SNX6: variants seen among roughly 807,000 people sequenced by gnomAD.
The protein encoded by SNX6 is sorting nexin 6, also known as sorting nexin-6.
SNX6 carries 34 observed loss-of-function variants against 63.0 expected under a neutral mutation model. The observed-to-expected ratio is 0.54, with a 90% CI of 0.41 to 0.72. SNX6 has a LOEUF of 0.72. Among genes scored for constraint, SNX6 ranks in the 30% least tolerant of loss-of-function variants. The probability of loss-of-function intolerance (pLI) is 0.00; values close to 1 mark genes in which losing one functional copy is unlikely to be tolerated. For synonymous variants in SNX6, 170 were observed against 164.2 expected, an observed-to-expected ratio of 1.04 and a Z score of -0.27; for missense variants, 398 against 471.4, an observed-to-expected ratio of 0.84 and a Z score of 1.44.
chr14:34,597,906 G>A (rs1464827862), intron 6 of SNX6, among the ~76,000 whole-genome samples: 1 of 152,160 alleles, frequency 6.6e-6, no homozygotes, highest in Non-Finnish European at 1.5e-5. Context: ...CACATTTTAT[G>A]AGCATATCTG....
chr14:34,568,634 G>GTTTTTTTT, intron 11 of SNX6: 1 of 625,082 alleles, frequency 1.6e-6, no homozygotes, highest in Non-Finnish European at 2.8e-6. Flanking sequence ...CACTCAGCCT[G>GTTTTTTTT]TTTTTTTTTT....
At chr14:34,605,174 C>T (rs7146042) in intron 5 of SNX6, among the ~76,000 whole-genome samples, 59,942 of 151,614 alleles carry the variant, frequency 0.4, 13,139 homozygotes, top group East Asian at 0.74. Flanking sequence ...TGGCAATATG[C>T]CCACATTGAA....
intron 6 of SNX6, among the ~76,000 whole-genome samples, chr14:34,601,312 G>A (rs1380173445): frequency 1.4e-5 from 2 of 148,102 alleles, no homozygotes; most frequent in African/African-American, 5.1e-5. Flanking sequence ...TGCAACCTCC[G>A]CCTCCCGGGG....
At chr14:34,589,980 C>A (rs1351680547) in intron 8 of SNX6, among the ~76,000 whole-genome samples, 2 of 152,066 alleles carry the variant, frequency 1.3e-5, no homozygotes, top group African/African-American at 2.4e-5. Context: ...ATTAGCCACG[C>A]ATGGTGGCGC....
chr14:34,599,500 G>A (rs1314907685), intron 6 of SNX6, among the ~76,000 whole-genome samples: 3 of 151,898 alleles, frequency 2.0e-5, no homozygotes. Flanking sequence ...CCAGCTACTA[G>A]GGAGACTGAG....
intron 13 of SNX6, among the ~76,000 whole-genome samples, chr14:34,564,471 T>C (rs1881079029): frequency 6.6e-6 from 1 of 152,176 alleles, no homozygotes; most frequent in Non-Finnish European, 1.5e-5. Flanking sequence ...TGAGTACTAC[T>C]GTTAATAGAA....
intron 9 of SNX6, among the ~76,000 whole-genome samples, chr14:34,581,866 T>C (rs1343505439): frequency 6.6e-6 from 1 of 152,082 alleles, no homozygotes; most frequent in Admixed American, 6.6e-5. Flanking sequence ...TTCACGCTTG[T>C]TGCGCAGAAC....
Position 34,586,238 on chromosome 14 carries a change from A to C in SNX6, c.786T>G (p.Asp262Glu). Reference protein sequence around the residue: ...LYALGTQDSTDICKFFLKVSE... With the variant: ...LYALGTQDSTEICKFFLKVSE... ...TAAATTAGAACACTTACTTGCATATATCTGTAGAATCCTGAGTTCCTAAAG... is the reference window on the plus strand; with the variant it reads ...TAAATTAGAACACTTACTTGCATATCTCTGTAGAATCCTGAGTTCCTAAAG... The change falls in exon 9 of 14, where the codon GAT (aspartate) becomes GAG (glutamate). Residue 262 changes from aspartate to glutamate, a missense_variant. Coordinates refer to ENST00000362031, the MANE Select transcript of SNX6 (RefSeq NM_152233.4). The C allele has an allele frequency of 6.3e-7, 1 of 1,597,260 alleles. No homozygotes were observed. The highest frequency in any genetic ancestry group is 1.1e-5 in the South Asian group (1 of 90,602).
chr14:34,616,635 G>A (rs1366682307), intron 2 of SNX6, among the ~76,000 whole-genome samples: 1 of 152,146 alleles, frequency 6.6e-6, no homozygotes, highest in African/African-American at 2.4e-5. Context: ...CGAACCACTG[G>A]TATTACAGGT....
chr14:34,568,968 C>T, intron 11 of SNX6: 2 of 1,412,690 alleles, frequency 1.4e-6, no homozygotes, highest in Non-Finnish European at 2.0e-6. Context: ...CTCGCGTGTA[C>T]AACCAGTTCT....
At chr14:34,567,412 G>C (rs973693102) in intron 13 of SNX6, among the ~76,000 whole-genome samples, 1 of 152,086 alleles carries the variant, frequency 6.6e-6, no homozygotes, top group Non-Finnish European at 1.5e-5. Context: ...GCTTGAACCC[G>C]GGAAGCAGAG....
intron 11 of SNX6, among the ~76,000 whole-genome samples, chr14:34,575,372 G>A (rs943641792): frequency 2.0e-5 from 3 of 151,968 alleles, no homozygotes; most frequent in Admixed American, 1.3e-4. Context: ...GCTAATTTTT[G>A]TATTTTTAGT....
rs185940377 is a variant in SNX6, at chr14:34,586,697, G to A, written c.719-392C>T. ...CACTCCAGCCTGGGTGACAGAGCAA[G>A]ACTCCGTCTCAAACAAAAAAACAAA... is the stretch of plus-strand genomic sequence containing the variant. On this transcript the variant is annotated intron_variant, in intron 8 of 13. Coordinates refer to ENST00000362031, the MANE Select transcript of SNX6 (RefSeq NM_152233.4). Among the ~76,000 whole-genome samples the A allele has an allele frequency of 5.3e-5, 8 of 151,452 alleles. No homozygotes were observed. The South Asian group carries it at 1.0e-3, about 20-fold the overall frequency.
chr14:34,563,047 G>A lies in SNX6; in HGVS notation c.*75C>T. 7.0e-7 allele frequency: 1 copy of A among 1,433,192 alleles called. No individual in the cohort carries two copies. The highest frequency in any genetic ancestry group is 9.8e-7 in the Non-Finnish European group (1 of 1,023,992). The allele number at this position is 1,433,192 out of a possible 1,614,324, so 88.8% of individuals were successfully genotyped here. On this transcript the variant is annotated 3_prime_UTR_variant, in exon 14 of 14. Coordinates refer to ENST00000362031, the MANE Select transcript of SNX6 (RefSeq NM_152233.4). ...TTGTTTGTTTCCAGTGAGCATAAAT[G>A]CTTAACATCATTAAGAAAACAAAAA...
At chr14:34,568,222 G>A (rs1004934667) in intron 11 of SNX6, among the ~76,000 whole-genome samples, 2 of 147,654 alleles carry the variant, frequency 1.4e-5, no homozygotes, top group African/African-American at 2.5e-5. Flanking sequence ...TTGGCTCACC[G>A]CAACCTCTGA....
intron 2 of SNX6, among the ~76,000 whole-genome samples, chr14:34,611,554 C>T (rs1883229351): frequency 6.6e-6 from 1 of 150,884 alleles, no homozygotes; most frequent in South Asian, 2.1e-4. Context: ...CAGGCCGAGG[C>T]AGGTGGATCA....
At chr14:34,583,170 G>A (rs1040830327) in intron 9 of SNX6, among the ~76,000 whole-genome samples, 7 of 152,068 alleles carry the variant, frequency 4.6e-5, no homozygotes, top group Non-Finnish European at 1.0e-4. Flanking sequence ...TTAGCCTGGC[G>A]TGGTGGCACG....
intron 2 of SNX6, chr14:34,629,435 C>T (rs1490967180): frequency 2.2e-6 from 1 of 457,636 alleles, no homozygotes; most frequent in African/African-American, 2.0e-5. Context: ...AAAATCCTTG[C>T]AAAATGGTAA....
At chr14:34,604,163 G>A in intron 5 of SNX6, 2 of 1,283,990 alleles carry the variant, frequency 1.6e-6, no homozygotes, top group Non-Finnish European at 2.0e-6. Context: ...AATGATGGGA[G>A]AAGTTTGATC....
Sources: gnomAD v4.1 joint callset for allele counts (sites outside exome capture counted in the v4.1 genomes callset) on GRCh38, gnomAD v4.1.1 for gene constraint, MANE v1.5 for transcripts, NCBI Gene and HGNC (gene_info 2026-07-23, HGNC 2026-07-21) for gene names.